The following SYT1 variants were observed in gnomAD, a reference collection of about 807,000 sequenced individuals.
SYT1 encodes the protein synaptotagmin 1, also known as synaptotagmin-1.
SYT1 carries 8 observed loss-of-function variants against 44.8 expected under a neutral mutation model. The observed-to-expected ratio is 0.18, with a 90% CI of 0.10 to 0.32. The LOEUF (loss-of-function observed/expected upper bound fraction) is 0.32, where lower values mean the gene tolerates loss of function less well. Ranked by LOEUF, SYT1 falls within the 10% of genes least tolerant of loss-of-function variation. The probability of loss-of-function intolerance (pLI) is 1.00; values close to 1 mark genes in which losing one functional copy is unlikely to be tolerated. For missense variants in SYT1, 286 were observed against 509.3 expected (o/e 0.56, Z 4.22); for synonymous variants, 154 against 188.8 (o/e 0.82, Z 1.51).
intron 2 of SYT1, among the ~76,000 whole-genome samples, chr12:79,026,702 T>TATATAAAAAA (rs34140383): frequency 4.8e-5 from 6 of 125,314 alleles, no homozygotes; most frequent in African/African-American, 1.8e-4. Flanking sequence ...TATATATATA[T>TATATAAAAAA]CACACTTTCA....
At chr12:79,375,152 C>T (rs1005130216) in intron 9 of SYT1, among the ~76,000 whole-genome samples, 4 of 151,854 alleles carry the variant, frequency 2.6e-5, no homozygotes, top group Non-Finnish European at 2.9e-5. Flanking sequence ...TCTTAGCTTA[C>T]GACCTACAGA....
intron 1 of SYT1, among the ~76,000 whole-genome samples, chr12:78,943,748 T>C (rs1428565521): frequency 3.3e-5 from 5 of 152,234 alleles, no homozygotes; most frequent in Admixed American, 2.6e-4. Flanking sequence ...AGTCATACCA[T>C]GTTACAATGC....
intron 4 of SYT1, among the ~76,000 whole-genome samples, chr12:79,269,810 C>T (rs1878326594): frequency 6.6e-6 from 1 of 152,072 alleles, no homozygotes; most frequent in South Asian, 2.1e-4. Context: ...TTAGAACTAT[C>T]ATTCTAAAGG....
chr12:78,938,898 T>C (rs1387241354), intron 1 of SYT1, among the ~76,000 whole-genome samples: 1 of 152,156 alleles, frequency 6.6e-6, no homozygotes, highest in Non-Finnish European at 1.5e-5. Context: ...TCAGAGACAC[T>C]CTGCTTAAGA....
At chr12:78,892,750 A>G (rs1160993729) in intron 1 of SYT1, among the ~76,000 whole-genome samples, 1 of 151,852 alleles carries the variant, frequency 6.6e-6, no homozygotes, top group Non-Finnish European at 1.5e-5. Flanking sequence ...ATTTAGCAAT[A>G]CATTAATCAC....
intron 1 of SYT1, among the ~76,000 whole-genome samples, chr12:78,970,895 A>G (rs139868519): frequency 1.5e-3 from 222 of 152,304 alleles, no homozygotes; most frequent in African/African-American, 4.2e-3. Flanking sequence ...TTTCTAGATG[A>G]TGAAATCAAG....
intron 4 of SYT1, among the ~76,000 whole-genome samples, chr12:79,228,491 T>G (rs1875661430): frequency 6.6e-6 from 1 of 152,098 alleles, no homozygotes; most frequent in South Asian, 2.1e-4. Context: ...AACTCTTGAC[T>G]TCCAGGACCA....
intron 9 of SYT1, among the ~76,000 whole-genome samples, chr12:79,424,284 G>T (rs1410603919): frequency 6.6e-6 from 1 of 152,016 alleles, no homozygotes; most frequent in African/African-American, 2.4e-5. Context: ...TGCATCACCA[G>T]AAAACAAATA....
chr12:79,128,452 C>T (rs1272716691), intron 3 of SYT1, among the ~76,000 whole-genome samples: 5 of 152,076 alleles, frequency 3.3e-5, no homozygotes, highest in East Asian at 1.9e-4. Context: ...TAGACAGACA[C>T]GTAGATAGAA....
chr12:79,044,884 G>C (rs905066150), intron 2 of SYT1, among the ~76,000 whole-genome samples: 6 of 152,168 alleles, frequency 3.9e-5, no homozygotes, highest in Non-Finnish European at 8.8e-5. Context: ...GGAGTACGCT[G>C]CCGTGTGAGG....
intron 9 of SYT1, among the ~76,000 whole-genome samples, chr12:79,434,814 T>C (rs1251653033): frequency 6.6e-6 from 1 of 152,002 alleles, no homozygotes; most frequent in African/African-American, 2.4e-5. Flanking sequence ...AAATATTGGT[T>C]GGTTGCCGCC....
At chr12:78,881,332 A>G (rs549104788) in intron 1 of SYT1, among the ~76,000 whole-genome samples, 1 of 151,758 alleles carries the variant, frequency 6.6e-6, no homozygotes, top group South Asian at 2.1e-4. Context: ...CCATCTCTGT[A>G]GTTCAAAGCT....
chr12:79,026,820 C>A (rs61928979), intron 2 of SYT1, among the ~76,000 whole-genome samples: 8,348 of 150,428 alleles, frequency 0.055, 256 homozygotes, highest in Admixed American at 0.089. Flanking sequence ...ATACTAATTT[C>A]TTTTCCTTTG....
chr12:78,935,790 CTAAG>C (rs1421739355), intron 1 of SYT1, among the ~76,000 whole-genome samples: 1 of 151,968 alleles, frequency 6.6e-6, no homozygotes, highest in African/African-American at 2.4e-5. Flanking sequence ...TCCTAGGTTA[CTAAG>C]TATTTAAGAG....
intron 1 of SYT1, among the ~76,000 whole-genome samples, chr12:78,945,141 G>A (rs1382192720): frequency 6.6e-6 from 1 of 152,114 alleles, no homozygotes; most frequent in East Asian, 1.9e-4. Context: ...GGTGTGTATA[G>A]ACAAAACTGA....
At chr12:78,943,677 A>G (rs1878506484) in intron 1 of SYT1, among the ~76,000 whole-genome samples, 1 of 152,170 alleles carries the variant, frequency 6.6e-6, no homozygotes, top group Admixed American at 6.5e-5. Flanking sequence ...GAATACTAAA[A>G]CTAGTAGAAA....
At chr12:79,352,409 C>G (rs1247933657) in intron 8 of SYT1, among the ~76,000 whole-genome samples, 1 of 152,098 alleles carries the variant, frequency 6.6e-6, no homozygotes, top group Non-Finnish European at 1.5e-5. Context: ...AGAAGTCTGA[C>G]ATAACTGTTG....
chr12:78,868,917 A>T (rs967884834), intron 1 of SYT1: 2 of 151,886 alleles, frequency 1.3e-5, no homozygotes, highest in Non-Finnish European at 2.9e-5. Flanking sequence ...TACAGGTAAC[A>T]AATAAGTTGA....
chr12:79,361,150 A>G (rs1883300874), intron 9 of SYT1, among the ~76,000 whole-genome samples: 1 of 151,950 alleles, frequency 6.6e-6, no homozygotes, highest in Non-Finnish European at 1.5e-5. Context: ...GAATATGAGT[A>G]AAAACAGCAG....
Sources: allele counts gnomAD v4.1 joint callset (sites outside exome capture counted in the v4.1 genomes callset), GRCh38; gene constraint gnomAD v4.1.1; transcripts MANE v1.5; gene names NCBI Gene and HGNC (gene_info 2026-07-23, HGNC 2026-07-21).